Variants in SCARB1 observed in about 807,000 individuals in gnomAD.
SCARB1 encodes scavenger receptor class B member 1.
SCARB1 carries 30 observed loss-of-function variants against 57.2 expected under a neutral mutation model. The observed-to-expected ratio is 0.52, with a 90% CI of 0.39 to 0.71. SCARB1 has a LOEUF of 0.71. Among genes scored for constraint, SCARB1 ranks in the 30% least tolerant of loss-of-function variants. SCARB1 has a pLI of 0.00. For synonymous variants in SCARB1, 249 were observed against 268.3 expected, an observed-to-expected ratio of 0.93 and a Z score of 0.70; for missense variants, 543 against 671.2, an observed-to-expected ratio of 0.81 and a Z score of 2.11.
chr12:124,807,630 T>A lies in SCARB1; in HGVS notation c.1009+131A>T. The A allele has an allele frequency of 1.2e-6, 1 of 866,850 alleles. No homozygotes were observed. Among genetic ancestry groups the A allele is most frequent in the Non-Finnish European group, 1.8e-6 (1 of 557,804 alleles). The allele number at this position is 866,850 out of a possible 1,614,324, so 53.7% of individuals were successfully genotyped here. On this transcript the variant is annotated intron_variant, in intron 7 of 12. Coordinates refer to ENST00000261693, the MANE Select transcript of SCARB1 (RefSeq NM_005505.5). The surrounding 1 kb of genome is among the most constrained non-coding windows in gnomAD (Gnocchi z 5.3). ...TTCAGATTATCTTCCTGCGGCCTCA[T>A]TATCTTCGCCTAATGGGATTATCAA...
intron 6 of SCARB1, among the ~76,000 whole-genome samples, chr12:124,809,563 G>A (rs1950449217): frequency 6.6e-6 from 1 of 152,232 alleles, no homozygotes; most frequent in Admixed American, 6.5e-5. Flanking sequence ...CTGGGGAACG[G>A]AGACTTGGCC....
At position 124,863,853 on chromosome 12, in the gene SCARB1, A is replaced by G; in HGVS notation, c.-133T>C. Reference sequence around the variant, plus strand: ...AGAGGCACGGTGGATCCGGGACGGCAGCGCACGCAGGAGCAGCCCGGCAGG... The same window carrying G: ...AGAGGCACGGTGGATCCGGGACGGCGGCGCACGCAGGAGCAGCCCGGCAGG... On this transcript the variant is annotated 5_prime_UTR_variant, in exon 1 of 13. Transcript: ENST00000261693. 2 of 1,166,914 alleles carry G rather than the reference A, an allele frequency of 1.7e-6. No homozygotes were observed. Among genetic ancestry groups the G allele is most frequent in the South Asian group, 4.1e-5 (2 of 48,806 alleles). 72.3% of individuals were successfully genotyped at this position (1,166,914 alleles called of 1,614,324 possible).
In SCARB1 at chr12:124,863,738, C is replaced by G; in HGVS notation, c.-18G>C. ...CAGCCCATGTCTGCGCGCCTGGGGC[C>G]CACCCGCGGCTCGCAGGGCTCCGCG... On this transcript the variant is annotated 5_prime_UTR_variant, in exon 1 of 13. Transcript: ENST00000261693. 6.9e-7 allele frequency: 1 copy of G among 1,446,576 alleles called. No homozygotes were observed. Among genetic ancestry groups the G allele is most frequent in the South Asian group, 1.4e-5 (1 of 70,364 alleles). 89.6% of individuals were successfully genotyped at this position (1,446,576 alleles called of 1,614,324 possible).
intron 1 of SCARB1, among the ~76,000 whole-genome samples, chr12:124,832,544 CAG>C (rs1174458132): frequency 4.0e-5 from 6 of 150,618 alleles, no homozygotes; most frequent in Admixed American, 1.3e-4. Context: ...TGTTCTAAAA[CAG>C]AAAGTTATTT....
chr12:124,810,156 C>T lies in SCARB1; in HGVS notation c.842+18G>A. Reference sequence around the variant, plus strand: ...AGCTACCCAGGAAACCCAGGAGGCCCCGAGTCCCAGTGATTACCGGCAGGC... The same window carrying T: ...AGCTACCCAGGAAACCCAGGAGGCCTCGAGTCCCAGTGATTACCGGCAGGC... On this transcript the variant is annotated intron_variant, in intron 6 of 12. Coordinates refer to ENST00000261693, the MANE Select transcript of SCARB1 (RefSeq NM_005505.5). The surrounding 1 kb of genome is among the most constrained non-coding windows in gnomAD (Gnocchi z 4.0). 6.4e-7 allele frequency: 1 copy of T among 1,568,566 alleles called. No homozygotes were observed. Among genetic ancestry groups the T allele is most frequent in the Non-Finnish European group, 8.8e-7 (1 of 1,138,978 alleles).
At position 124,817,043 on chromosome 12, in the gene SCARB1, T is replaced by G. The variant is rs980138787; in HGVS notation, c.284+507A>C. The stretch of plus-strand genomic sequence containing the variant: ...GCATGTGTGTGTGTGTGTGTGTGTG[T>G]GTGTGTATGTGTGTATGCATGTGTA... On this transcript the variant is annotated intron_variant, in intron 2 of 12. Transcript: ENST00000261693. The surrounding 1 kb of genome is among the most constrained non-coding windows in gnomAD (Gnocchi z 4.8). Among the ~76,000 whole-genome samples the G allele has an allele frequency of 2.0e-5, 3 of 147,714 alleles. No homozygotes were observed. Among genetic ancestry groups the G allele is most frequent in the African/African-American group, 7.5e-5 (3 of 39,792 alleles).
intron 1 of SCARB1, among the ~76,000 whole-genome samples, chr12:124,859,404 A>G (rs1332243928): frequency 1.3e-5 from 2 of 151,884 alleles, no homozygotes; most frequent in Non-Finnish European, 2.9e-5. Flanking sequence ...GGTGGCAGGC[A>G]CCTGCAGTCC....
rs1209273596 is a variant in SCARB1 at position 124,814,890 on chromosome 12, C to T, written c.426+83G>A. 1.0e-5 allele frequency: 16 copies of T among 1,578,490 alleles called. No individual in the cohort carries two copies. The highest frequency in any genetic ancestry group is 3.3e-4 in the Middle Eastern group (2 of 5,994). The stretch of plus-strand genomic sequence containing the variant: ...CACGCTCCGACCACCTCAGGGACTG[C>T]TCTCTGCACAAGGGGCAGGCGGGAG... On this transcript the variant is annotated intron_variant, in intron 3 of 12. Transcript: ENST00000261693. This position sits in a 1 kb window ranked among gnomAD's most constrained non-coding sequence, Gnocchi z 4.7.
Position 124,814,139 on chromosome 12 carries a change from G to A in SCARB1, c.630+63C>T. ...AAGCAAGCTGGTGACCAGTGTCCAGGCTGTGTGAGGGGAAGACAGGACACA... is the reference window on the plus strand; with the variant it reads ...AAGCAAGCTGGTGACCAGTGTCCAGACTGTGTGAGGGGAAGACAGGACACA... On this transcript the variant is annotated intron_variant, in intron 4 of 12. Transcript: ENST00000261693. The surrounding 1 kb of genome is among the most constrained non-coding windows in gnomAD (Gnocchi z 4.7). 6.8e-7 allele frequency: 1 copy of A among 1,474,912 alleles called. No homozygotes were observed. The highest frequency in any genetic ancestry group is 1.9e-4 in the Middle Eastern group (1 of 5,322). 91.4% of individuals were successfully genotyped at this position (1,474,912 alleles called of 1,614,324 possible). A position where few individuals can be genotyped will look rare whatever the true frequency, so the allele number is the denominator to read the frequency against.
At position 124,800,718 on chromosome 12, in the gene SCARB1, G is replaced by A. The variant is rs1950098849; in HGVS notation, c.1010-476C>T. Among the ~76,000 whole-genome samples, 1 of 152,162 alleles carries A rather than the reference G, an allele frequency of 6.6e-6. No individual in the cohort carries two copies. Among genetic ancestry groups the A allele is most frequent in the South Asian group, 2.1e-4 (1 of 4,832 alleles). The stretch of plus-strand genomic sequence containing the variant: ...CCTGCAGGACACGCAGCAATGATCG[G>A]AGCTCAGGTGTGTGCACCTGTGGCC... On this transcript the variant is annotated intron_variant, in intron 7 of 12. Coordinates refer to ENST00000261693, the MANE Select transcript of SCARB1 (RefSeq NM_005505.5). This position sits in a 1 kb window ranked among gnomAD's most constrained non-coding sequence, Gnocchi z 4.8.
In SCARB1 at chr12:124,800,166, G is replaced by T. The variant is rs1320573619; in HGVS notation, c.1086C>A (p.His362Gln). The T allele has an allele frequency of 5.0e-6, 8 of 1,613,870 alleles. No homozygotes were observed. The highest frequency in any genetic ancestry group is 1.3e-5 in the African/African-American group (1 of 74,902). The change falls in exon 8 of 13, where the codon CAC (histidine) becomes CAA (glutamine). Residue 362 changes from histidine (H) to glutamine (Q), a missense_variant. Coordinates refer to ENST00000261693, the MANE Select transcript of SCARB1 (RefSeq NM_005505.5). The surrounding 1 kb of genome is among the most constrained non-coding windows in gnomAD (Gnocchi z 4.8). The part of the protein sequence containing the change: ...PVLAEAVTGL[H>Q]PNQEAHSLFL... Reference sequence around the variant, plus strand: ...ACAAGGAGTGTGCCTCCTGGTTAGGGTGCAGGCCAGTCACCGCTTCTGCCA... The same window carrying T: ...ACAAGGAGTGTGCCTCCTGGTTAGGTTGCAGGCCAGTCACCGCTTCTGCCA...
Position 124,824,473 on chromosome 12 carries a change from C to T in SCARB1, c.127-6766G>A, listed in dbSNP as rs772358406. On this transcript the variant is annotated intron_variant, in intron 1 of 12. Coordinates refer to ENST00000261693, the MANE Select transcript of SCARB1 (RefSeq NM_005505.5). ...GGTAACGATTGCGCAACCTTGCGAA[C>T]GCACTAAATGCCACTAAACTGTACA... is the stretch of plus-strand genomic sequence containing the variant. Among the ~76,000 whole-genome samples the T allele has an allele frequency of 1.6e-4, 24 of 152,230 alleles. 1 individual carries two copies. The South Asian group carries it at 3.1e-3, about 20-fold the overall frequency.
At position 124,831,969 on chromosome 12, in the gene SCARB1, G is replaced by T. The variant is rs142945534; in HGVS notation, c.127-14262C>A. 2.2e-4 allele frequency among the ~76,000 whole-genome samples: 34 copies of T among 152,338 alleles called. No individual in the cohort carries two copies. In the East Asian group the frequency reaches 6.4e-3, roughly 28 times the overall value. On this transcript the variant is annotated intron_variant, in intron 1 of 12. Transcript: ENST00000261693. Reference sequence around the variant, plus strand: ...CCAGGAAAGTCTGAGAACCCACAGAGACCAGAGGATCCTAAGGCAACGTGA... The same window carrying T: ...CCAGGAAAGTCTGAGAACCCACAGATACCAGAGGATCCTAAGGCAACGTGA...
At position 124,812,498 on chromosome 12, in the gene SCARB1, GAA is replaced by G. The variant is rs914045776; in HGVS notation, c.631-535_631-534del. ...CACTGGACGTGGAGTGCAAGCAAAGGAATAAGTCTTGGTTGTTCTAAGCCATG... is the reference window on the plus strand; with the variant it reads ...CACTGGACGTGGAGTGCAAGCAAAGGTAAGTCTTGGTTGTTCTAAGCCATG... On this transcript the variant is annotated intron_variant, in intron 4 of 12. Transcript: ENST00000261693. This position sits in a 1 kb window ranked among gnomAD's most constrained non-coding sequence, Gnocchi z 4.3. 2.0e-5 allele frequency among the ~76,000 whole-genome samples: 3 copies of G among 152,196 alleles called. No individual in the cohort carries two copies. The highest frequency in any genetic ancestry group is 7.2e-5 in the African/African-American group (3 of 41,446).
Position 124,800,190 on chromosome 12 carries a change from C to T in SCARB1, c.1062G>A (p.Leu354=), listed in dbSNP as rs772873504. The T allele has an allele frequency of 1.2e-6, 2 of 1,613,972 alleles. No individual in the cohort carries two copies. The highest frequency in any genetic ancestry group is 2.2e-5 in the East Asian group (1 of 44,874). The change falls in exon 8 of 13, where the codon CTG becomes CTA. Residue 354 remains leucine (L), a synonymous_variant. Transcript: ENST00000261693. This position sits in a 1 kb window ranked among gnomAD's most constrained non-coding sequence, Gnocchi z 4.8. ...HPHFLNADPV[L]AEAVTGLHPN... The stretch of plus-strand genomic sequence containing the variant: ...GGTGCAGGCCAGTCACCGCTTCTGC[C>T]AGAACCGGGTCAGCGTTGAGGAAGT...
intron 1 of SCARB1, among the ~76,000 whole-genome samples, chr12:124,833,193 C>CA (rs554759342): frequency 7.1e-6 from 1 of 141,352 alleles, no homozygotes; most frequent in African/African-American, 2.6e-5. Context: ...AGATCCTTAA[C>CA]TTTTTTTTTT....
intron 12 of SCARB1, among the ~76,000 whole-genome samples, chr12:124,780,321 C>T (rs1873195921): frequency 6.6e-6 from 1 of 152,234 alleles, no homozygotes; most frequent in African/African-American, 2.4e-5. Flanking sequence ...TGCCCTACAG[C>T]AGGCCTCATC....
chr12:124,849,783 C>T (rs558253289), intron 1 of SCARB1, among the ~76,000 whole-genome samples: 1 of 152,362 alleles, frequency 6.6e-6, no homozygotes, highest in African/African-American at 2.4e-5. Context: ...AGCAATTAGG[C>T]CAGGTACAGT....
intron 1 of SCARB1, among the ~76,000 whole-genome samples, chr12:124,842,022 C>T (rs759730616): frequency 2.0e-5 from 3 of 152,230 alleles, no homozygotes; most frequent in Non-Finnish European, 2.9e-5. Context: ...TTCCCTGCCA[C>T]TTCAGCCCTG....
Sources: allele counts gnomAD v4.1 joint callset (sites outside exome capture counted in the v4.1 genomes callset), GRCh38; gene constraint gnomAD v4.1.1; non-coding constraint Gnocchi (gnomAD v3.1); transcripts MANE v1.5; gene names NCBI Gene and HGNC (gene_info 2026-07-23, HGNC 2026-07-21).